KLRG1: variants seen among roughly 807,000 people sequenced by gnomAD.
The protein encoded by KLRG1 is killer cell lectin like receptor G1, also known as killer cell lectin-like receptor subfamily G member 1.
Under a neutral mutation model 21.8 loss-of-function variants are expected in KLRG1, and 16 were observed. The observed-to-expected ratio is 0.73, with a 90% CI of 0.50 to 1.11. The LOEUF is 1.11. Among genes scored for constraint, KLRG1 ranks in the 50% most tolerant of loss-of-function variants. The pLI is 0.00. For synonymous variants in KLRG1, 69 were observed against 75.9 expected (o/e 0.91, Z 0.47); for missense variants, 173 against 218.3 (o/e 0.79, Z 1.31).
chr12:9,152,259 C>CATCTTTACATCAACA, the KLRG1 span: 1 of 1,613,018 alleles, frequency 6.2e-7, no homozygotes, highest in Non-Finnish European at 8.5e-7. Flanking sequence ...AACCAGATAC[C>CATCTTTACATCAACA]ATCTTTACAT....
intron 3 of KLRG1, among the ~76,000 whole-genome samples, chr12:9,006,341 T>A (rs1947472457): frequency 6.6e-6 from 1 of 152,194 alleles, no homozygotes; most frequent in South Asian, 2.1e-4. Flanking sequence ...TGAGTTGATA[T>A]CTAGACCTGA....
chr12:9,090,000 C>G, the KLRG1 span: 14 of 1,597,326 alleles, frequency 8.8e-6, no homozygotes, highest in Non-Finnish European at 1.2e-5. Flanking sequence ...AGTGCCTCTG[C>G]GCTCACAGTG....
the KLRG1 span, among the ~76,000 whole-genome samples, chr12:9,126,422 G>A: frequency 6.6e-6 from 1 of 152,320 alleles, no homozygotes; most frequent in South Asian, 2.1e-4. Flanking sequence ...GAAAACTTGA[G>A]TTTGCTGTTT....
At chr12:9,106,623 A>C in the KLRG1 span, 1 of 1,309,360 alleles carries the variant, frequency 7.6e-7, no homozygotes, top group Non-Finnish European at 1.1e-6. Context: ...GGGAGAAAAT[A>C]AAATACAAAA....
chr12:9,091,200 C>T, the KLRG1 span: 1 of 1,613,142 alleles, frequency 6.2e-7, no homozygotes, highest in Admixed American at 1.7e-5. Context: ...GAGATCCTTA[C>T]CCGGATGCAT....
At chr12:9,152,360 C>A in the KLRG1 span, 1 of 1,374,144 alleles carries the variant, frequency 7.3e-7, no homozygotes, top group Non-Finnish European at 1.0e-6. Context: ...TGAAAGAAAG[C>A]CAAATTTCTG....
At chr12:9,006,531 A>G (rs1386906688) in intron 3 of KLRG1, among the ~76,000 whole-genome samples, 2 of 152,200 alleles carry the variant, frequency 1.3e-5, no homozygotes, top group East Asian at 1.9e-4. Context: ...CTGTGCGTAC[A>G]TAGTAAGGAT....
the KLRG1 span, chr12:9,164,122 C>T: frequency 4.4e-6 from 7 of 1,608,414 alleles, no homozygotes; most frequent in African/African-American, 1.3e-5. Flanking sequence ...CTTTTGGGTA[C>T]TGTCACTCAC....
intron 1 of KLRG1, among the ~76,000 whole-genome samples, chr12:8,959,444 A>G (rs148808463): frequency 1.5e-3 from 228 of 152,186 alleles, no homozygotes; most frequent in Non-Finnish European, 5.6e-4. Flanking sequence ...CACCCCTGCA[A>G]TTTCATCCCC....
chr12:9,169,667 A>C, the KLRG1 span: 1 of 1,327,860 alleles, frequency 7.5e-7, no homozygotes, highest in South Asian at 1.8e-5. Context: ...AGAGAAATAA[A>C]ATAATTATCA....
At chr12:8,968,241 CA>C (rs11337518) in intron 1 of KLRG1, among the ~76,000 whole-genome samples, 120,089 of 150,600 alleles carry the variant, frequency 0.8, 48,209 homozygotes, top group Admixed American at 0.84. Context: ...CTATCTAAAA[CA>C]AAAAAAAAAC....
At chr12:9,036,137 C>T in the KLRG1 span, among the ~76,000 whole-genome samples, 2 of 152,072 alleles carry the variant, frequency 1.3e-5, no homozygotes, top group Non-Finnish European at 2.9e-5. Context: ...CCCACTGAAC[C>T]TAAAATAAAA....
At chr12:9,028,485 C>T in the KLRG1 span, among the ~76,000 whole-genome samples, 1 of 150,364 alleles carries the variant, frequency 6.7e-6, no homozygotes, top group African/African-American at 2.5e-5. Context: ...ACTCTGTCAC[C>T]CAGACTGGAG....
the KLRG1 span, among the ~76,000 whole-genome samples, chr12:9,183,871 A>G: frequency 6.6e-6 from 1 of 152,224 alleles, no homozygotes; most frequent in Non-Finnish European, 1.5e-5. Context: ...GTTTGGGAAG[A>G]AAGGAAGCTT....
the KLRG1 span, chr12:9,158,270 C>T: frequency 8.1e-7 from 1 of 1,240,242 alleles, no homozygotes; most frequent in Non-Finnish European, 1.1e-6. Flanking sequence ...TCTTCCTTCT[C>T]TGTAGAAAGT....
chr12:9,056,258 A>G, the KLRG1 span, among the ~76,000 whole-genome samples: 1 of 152,178 alleles, frequency 6.6e-6, no homozygotes, highest in African/African-American at 2.4e-5. Flanking sequence ...GGCCTGCGTG[A>G]TCACAAAAAT....
the KLRG1 span, among the ~76,000 whole-genome samples, chr12:9,193,659 C>G: frequency 1.3e-5 from 2 of 152,122 alleles, no homozygotes; most frequent in African/African-American, 2.4e-5. Flanking sequence ...AGATAACAAG[C>G]ATGAAAACTT....
the KLRG1 span, chr12:9,079,234 C>A: frequency 6.2e-7 from 1 of 1,611,146 alleles, no homozygotes; most frequent in Non-Finnish European, 8.5e-7. Context: ...AAAAATTGTT[C>A]TTTCCTTACC....
At chr12:9,030,641 T>G in the KLRG1 span, among the ~76,000 whole-genome samples, 3 of 151,842 alleles carry the variant, frequency 2.0e-5, no homozygotes, top group Non-Finnish European at 4.4e-5. Flanking sequence ...CTCCTAACCT[T>G]GTGATCTGCC....
Sources: allele counts gnomAD v4.1 joint callset (sites outside exome capture counted in the v4.1 genomes callset), GRCh38; gene constraint gnomAD v4.1.1; transcripts MANE v1.5; gene names NCBI Gene and HGNC (gene_info 2026-07-23, HGNC 2026-07-21).